The following DNAJB11 variants were observed in gnomAD, a reference collection of about 807,000 sequenced individuals.
DNAJB11 encodes the protein dnaJ homolog subfamily B member 11.
A neutral mutation model predicts 47.2 loss-of-function variants in DNAJB11; 30 were observed. The ratio of observed to expected loss-of-function variants is 0.64; its 90% CI spans 0.48 to 0.86. The LOEUF is 0.86. Ranked by LOEUF, DNAJB11 falls within the 40% of genes least tolerant of loss-of-function variation. The probability of loss-of-function intolerance (pLI) is 0.00; values close to 1 mark genes in which losing one functional copy is unlikely to be tolerated. For missense variants in DNAJB11, 357 were observed against 440.2 expected (o/e 0.81, Z 1.69); for synonymous variants, 151 against 159.9 (o/e 0.94, Z 0.42).
intron 2 of DNAJB11, among the ~76,000 whole-genome samples, chr3:186,574,285 A>C (rs906720243): frequency 2.0e-5 from 3 of 152,214 alleles, no homozygotes; most frequent in African/African-American, 7.2e-5. Context: ...TAATGACTTC[A>C]AGAGTAGTTT....
chr3:186,582,612 G>T, intron 6 of DNAJB11, 104 bp from the exon 7 acceptor site: 1 of 903,404 alleles, frequency 1.1e-6, no homozygotes, highest in Non-Finnish European at 1.8e-6. Context: ...GATTTGACAG[G>T]TCAATGCCCA....
At chr3:186,577,645 G>A (rs751846346) in intron 3 of DNAJB11, 23 bp from the exon 4 acceptor site, 2 of 1,470,770 alleles carry the variant, frequency 1.4e-6, no homozygotes, top group South Asian at 1.4e-5. Context: ...TTTTTTTCCT[G>A]ATGATTTTGC....
At chr3:186,577,897 G>A (rs1715355710) in intron 4 of DNAJB11, 97 bp downstream of exon 4, 2 of 1,061,676 alleles carry the variant, frequency 1.9e-6, no homozygotes, top group South Asian at 4.1e-5. Flanking sequence ...GTCTTTTTGA[G>A]GGTAAGAGAG....
At chr3:186,575,209 A>G (rs1020180391) in intron 2 of DNAJB11, among the ~76,000 whole-genome samples, 1 of 151,930 alleles carries the variant, frequency 6.6e-6, no homozygotes, top group Admixed American at 6.6e-5. Flanking sequence ...ACTTAAACAT[A>G]TATATATATG....
intron 4 of DNAJB11, 69 bp downstream of exon 4, chr3:186,577,869 T>C: frequency 7.5e-7 from 1 of 1,340,348 alleles, no homozygotes; most frequent in Non-Finnish European, 1.0e-6. Flanking sequence ...AAATAAGAGG[T>C]TTATATGTAC....
At chr3:186,571,088 G>A in intron 1 of DNAJB11, 123 bp downstream of exon 1, 1 of 911,992 alleles carries the variant, frequency 1.1e-6, no homozygotes, top group Non-Finnish European at 1.6e-6. Context: ...CTGTGGGTTG[G>A]CGGGGTGGCG....
At chr3:186,581,238 A>G (rs1257510173) in intron 4 of DNAJB11, 133 bp from the exon 5 acceptor site, 10 of 1,014,142 alleles carry the variant, frequency 9.9e-6, no homozygotes, top group Non-Finnish European at 1.4e-5. Context: ...TGTCAGCTTT[A>G]GATCTCTGAG....
At chr3:186,578,326 A>G (rs1715369512) in intron 4 of DNAJB11, 1 of 152,158 alleles carries the variant, frequency 6.6e-6, no homozygotes, top group Admixed American at 6.5e-5. Flanking sequence ...ATTCAATTCC[A>G]AACAGCGCTT....
At chr3:186,584,029 A>G in intron 8 of DNAJB11, 53 bp downstream of exon 8, 6 of 1,296,628 alleles carry the variant, frequency 4.6e-6, no homozygotes, top group Non-Finnish European at 6.7e-6. Flanking sequence ...TTATGTGGGT[A>G]GTTTTGAGAT....
At position 186,581,374 on chromosome 3, in the gene DNAJB11, G is replaced by T; in HGVS notation, c.460G>T (p.Val154Phe). 4 of 1,613,842 alleles carry T rather than the reference G, an allele frequency of 2.5e-6. No individual in the cohort carries two copies. Among genetic ancestry groups the T allele is most frequent in the Non-Finnish European group, 3.4e-6 (4 of 1,179,932 alleles). The change falls in exon 5 of 10, where the codon GTT (valine) becomes TTT (phenylalanine). Residue 154 changes from valine to phenylalanine, a missense_variant. By Grantham distance (50) the Val-to-Phe change is conservative. Transcript: ENST00000265028. Reference sequence around the variant, plus strand: ...ATGTTGTTTATGCACTTCCTAGGTAGTTAGAAACAAACCTGTGGCAAGGCA... The same window carrying T: ...ATGTTGTTTATGCACTTCCTAGGTATTTAGAAACAAACCTGTGGCAAGGCA... ...EVYAGNFVEV[V>F]RNKPVARQAP...
rs1229693619 is a variant in DNAJB11 at position 186,584,561 on chromosome 3, A to G, written c.984A>G (p.Lys328=). 1 of 1,600,284 alleles carries G rather than the reference A, an allele frequency of 6.2e-7. No individual in the cohort carries two copies. Among genetic ancestry groups the G allele is most frequent in the Non-Finnish European group, 8.5e-7 (1 of 1,175,574 alleles). ...TCACTTTTGATGTGGATTTTCCAAA[A>G]GAACAGTTAACAGAGGAAGCGAGAG... ...LIITFDVDFP[K]EQLTEEAREG... is the part of the protein sequence containing the mutation. Residue 328 remains lysine (K), a synonymous_variant, in exon 9 of 10, where the codon AAA becomes AAG. Coordinates refer to ENST00000265028, the MANE Select transcript of DNAJB11 (RefSeq NM_016306.6).
chr3:186,578,322 T>A (rs1368044456), intron 4 of DNAJB11: 1 of 152,196 alleles, frequency 6.6e-6, no homozygotes, highest in Non-Finnish European at 1.5e-5. Flanking sequence ...TTTTATTCAA[T>A]TCCAAACAGC....
At chr3:186,577,070 T>C (rs1715325447) in intron 3 of DNAJB11, among the ~76,000 whole-genome samples, 1 of 152,354 alleles carries the variant, frequency 6.6e-6, no homozygotes, top group South Asian at 2.1e-4. Flanking sequence ...TTGGGTCTTA[T>C]AGAGGCTAGA....
chr3:186,583,883 G>A lies in DNAJB11; in HGVS notation c.759G>A (p.Arg253=), dbSNP rs537874103. ...TTTTTAGGCACCCAATATTTGAAAG[G>A]AGAGGAGATGATTTGTACACAAATG... ...IKVVKHPIFE[R]RGDDLYTNVT... is the part of the protein sequence containing the mutation. Residue 253 remains arginine (R), a synonymous_variant, in exon 8 of 10, where the codon AGG becomes AGA. Coordinates refer to ENST00000265028, the MANE Select transcript of DNAJB11 (RefSeq NM_016306.6). 29 of 1,613,272 alleles carry A rather than the reference G, an allele frequency of 1.8e-5. No individual in the cohort carries two copies. The highest frequency in any genetic ancestry group is 2.4e-5 in the Non-Finnish European group (28 of 1,179,414).
In DNAJB11 at chr3:186,575,888, G is replaced by A; in HGVS notation, c.274G>A (p.Glu92Lys). 1 of 1,614,018 alleles carries A rather than the reference G, an allele frequency of 6.2e-7. No homozygotes were observed. Among genetic ancestry groups the A allele is most frequent in the Non-Finnish European group, 8.5e-7 (1 of 1,179,948 alleles). The change falls in exon 3 of 10, where the codon GAA becomes AAA. Residue 92 changes from glutamate (E) to lysine (K), a missense_variant. By Grantham distance (56) the Glu-to-Lys change is moderately conservative (BLOSUM62 1). Coordinates refer to ENST00000265028, the MANE Select transcript of DNAJB11 (RefSeq NM_016306.6). ...GAAACAGTACGATACTTATGGTGAA[G>A]AAGGATTAAAAGATGGTCATCAGAG... ...KRKQYDTYGE[E>K]GLKDGHQSSH...
intron 4 of DNAJB11, chr3:186,580,924 C>A (rs974403263): frequency 2.0e-5 from 3 of 152,800 alleles, no homozygotes; most frequent in African/African-American, 7.2e-5. Context: ...AATAAGGAGA[C>A]ATTTTCAGTA....
Position 186,582,205 on chromosome 3 carries a change from A to G in DNAJB11, c.682+128A>G, listed in dbSNP as rs1188671439. The stretch of plus-strand genomic sequence containing the variant: ...AGTAAACGCATATATAATTTCCAAC[A>G]CTCTTCGGCCAATTTTAGGATATAC... On this transcript the variant is annotated intron_variant, in intron 6 of 9. Transcript: ENST00000265028. 45 of 690,234 alleles carry G rather than the reference A, an allele frequency of 6.5e-5. No homozygotes were observed. In the Admixed American group the frequency reaches 1.2e-3, roughly 19 times the overall value. The allele number at this position is 690,234 out of a possible 1,614,324, so 42.8% of individuals were successfully genotyped here.
At chr3:186,571,011 T>TGGG in intron 1 of DNAJB11, 46 bp downstream of exon 1, 2 of 652,330 alleles carry the variant, frequency 3.1e-6, no homozygotes, top group South Asian at 1.7e-5. Context: ...GGGTCAGCCT[T>TGGG]TGCTGGGGGG....
chr3:186,574,795 C>A (rs529346751), intron 2 of DNAJB11, among the ~76,000 whole-genome samples: 1 of 152,140 alleles, frequency 6.6e-6, no homozygotes. Context: ...CAACAAGCCC[C>A]GTCTACTTTG....
Sources: gnomAD v4.1 joint callset for allele counts (sites outside exome capture counted in the v4.1 genomes callset) on GRCh38, gnomAD v4.1.1 for gene constraint, MANE v1.5 for transcripts, NCBI Gene and HGNC (gene_info 2026-07-23, HGNC 2026-07-21) for gene names.